CORIN: variants seen among roughly 807,000 people sequenced by gnomAD.
CORIN encodes corin, serine peptidase.
A neutral mutation model predicts 125.3 loss-of-function variants in CORIN; 117 were observed. The ratio of observed to expected loss-of-function variants is 0.93; its 90% CI spans 0.80 to 1.09. CORIN has a LOEUF of 1.09. CORIN is among the 50% of genes least tolerant of loss of function. CORIN has a pLI of 0.00. For missense variants in CORIN, 1,253 were observed against 1,306.7 expected, an observed-to-expected ratio of 0.96 and a Z score of 0.63; for synonymous variants, 450 against 466.4, an observed-to-expected ratio of 0.96 and a Z score of 0.45.
intron 19 of CORIN, among the ~76,000 whole-genome samples, chr4:47,618,819 CAAA>C (rs34913715): frequency 7.8e-6 from 1 of 128,246 alleles, no homozygotes; most frequent in Non-Finnish European, 1.7e-5. Context: ...CTCTGTCTCA[CAAA>C]AAAAAAAAAG....
At chr4:47,676,728 T>C (rs1725035389) in intron 9 of CORIN, among the ~76,000 whole-genome samples, 1 of 152,210 alleles carries the variant, frequency 6.6e-6, no homozygotes, top group South Asian at 2.1e-4. Context: ...TATGACTTTC[T>C]TACATCTCAC....
At chr4:47,793,488 G>A (rs758836272) in intron 2 of CORIN, among the ~76,000 whole-genome samples, 2 of 152,138 alleles carry the variant, frequency 1.3e-5, no homozygotes, top group Non-Finnish European at 2.9e-5. Context: ...AGGATAATCA[G>A]AGGTGACAAT....
chr4:47,680,407 G>T (rs1012672997), intron 7 of CORIN, 156 bp from the exon 8 acceptor site: 1 of 583,540 alleles, frequency 1.7e-6, no homozygotes, highest in Non-Finnish European at 3.1e-6. Context: ...AAAATGCCAC[G>T]CCCTCCCCAC....
intron 1 of CORIN, among the ~76,000 whole-genome samples, chr4:47,831,805 G>A (rs966324614): frequency 6.6e-6 from 1 of 151,740 alleles, no homozygotes; most frequent in Non-Finnish European, 1.5e-5. Flanking sequence ...GGTCTTTGCA[G>A]TTGAAGTTAG....
intron 4 of CORIN, among the ~76,000 whole-genome samples, chr4:47,750,866 T>A (rs1728869584): frequency 6.6e-6 from 1 of 152,162 alleles, no homozygotes; most frequent in African/African-American, 2.4e-5. Flanking sequence ...AAAGTAGATA[T>A]GGAGAAGTAA....
chr4:47,595,520 C>A lies in CORIN; in HGVS notation c.*201G>T. 1 of 368,336 alleles carries A rather than the reference C, an allele frequency of 2.7e-6. No homozygotes were observed. The highest frequency in any genetic ancestry group is 4.8e-6 in the Non-Finnish European group (1 of 207,242). The allele number at this position is 368,336 out of a possible 1,614,324, so 22.8% of individuals were successfully genotyped here. ...TGCTTTTGTAAAGTCTTTCATTGAA[C>A]TTGAAATAAGAGAAAAATGAAGGTG... is the stretch of plus-strand genomic sequence containing the variant. On this transcript the variant is annotated 3_prime_UTR_variant, in exon 22 of 22. Transcript: ENST00000273857.
chr4:47,828,991 C>T (rs201665697), intron 1 of CORIN, among the ~76,000 whole-genome samples: 1 of 151,436 alleles, frequency 6.6e-6, no homozygotes. Flanking sequence ...ACCCCGTCTC[C>T]ACTAAAAATA....
Position 47,625,068 on chromosome 4 carries a change from C to G in CORIN, c.2316-1120G>C, listed in dbSNP as rs1189641943. Among the ~76,000 whole-genome samples the G allele has an allele frequency of 2.6e-5, 4 of 152,072 alleles. 1 individual carries two copies. Among genetic ancestry groups the G allele is most frequent in the Non-Finnish European group, 5.9e-5 (4 of 67,944 alleles). On this transcript the variant is annotated intron_variant, in intron 17 of 21. Transcript: ENST00000273857. ...TCTAAAATCCTCTCTTCCTTACTCT[C>G]TATTACATTATTCTAAATTTATTTG...
chr4:47,800,449 A>G (rs764437387), intron 2 of CORIN, among the ~76,000 whole-genome samples: 2 of 152,204 alleles, frequency 1.3e-5, no homozygotes, highest in Non-Finnish European at 2.9e-5. Context: ...TGAGCCAATG[A>G]ACATAGTCTC....
intron 3 of CORIN, among the ~76,000 whole-genome samples, chr4:47,775,220 C>CTT (rs146791663): frequency 6.6e-4 from 99 of 150,862 alleles, no homozygotes; most frequent in African/African-American, 2.3e-3. Context: ...TATTATCTTT[C>CTT]TTTTTTTTTC....
chr4:47,786,603 C>T (rs985761093), intron 3 of CORIN, 122 bp downstream of exon 3: 2 of 720,374 alleles, frequency 2.8e-6, no homozygotes, highest in South Asian at 3.7e-5. Context: ...TACCAGGAAA[C>T]TGAGTGGAGA....
chr4:47,676,232 C>G (rs747988636), intron 9 of CORIN, among the ~76,000 whole-genome samples: 2 of 152,164 alleles, frequency 1.3e-5, no homozygotes, highest in Non-Finnish European at 1.5e-5. Flanking sequence ...GTACCAGGCC[C>G]CCTTTCGTTC....
intron 19 of CORIN, among the ~76,000 whole-genome samples, chr4:47,613,942 A>G (rs890949268): frequency 5.4e-5 from 8 of 147,398 alleles, no homozygotes; most frequent in Non-Finnish European, 1.0e-4. Context: ...CATGTACCCT[A>G]AAACTTAAAG....
At chr4:47,714,022 A>G (rs1291105378) in intron 5 of CORIN, among the ~76,000 whole-genome samples, 3 of 152,204 alleles carry the variant, frequency 2.0e-5, no homozygotes, top group Admixed American at 6.5e-5. Flanking sequence ...GACAGTTGCT[A>G]TAGTGGAAAG....
In CORIN at chr4:47,645,107, G is replaced by A; in HGVS notation, c.1931C>T (p.Pro644Leu). Residue 644 changes from proline (P) to leucine (L), a missense_variant, in exon 14 of 22, where the codon CCT becomes CTT. Physicochemically the swap from Pro to Leu is moderately conservative, Grantham distance 98. Coordinates refer to ENST00000273857, the MANE Select transcript of CORIN (RefSeq NM_006587.4). ...TVICDGFPDC[P>L]DYMDEKNCSF... ...GCAGTTTTTCTCGTCCATGTAATCA[G>A]GGCAGTCTGGGAACCCATCGCAGAT... 1 of 1,610,886 alleles carries A rather than the reference G, an allele frequency of 6.2e-7. No homozygotes were observed. The highest frequency in any genetic ancestry group is 8.5e-7 in the Non-Finnish European group (1 of 1,178,138).
intron 1 of CORIN, among the ~76,000 whole-genome samples, chr4:47,820,866 C>T (rs908726361): frequency 3.9e-5 from 6 of 152,070 alleles, no homozygotes; most frequent in African/African-American, 1.2e-4. Flanking sequence ...GTGATTAATG[C>T]TATAGATTGA....
intron 3 of CORIN, among the ~76,000 whole-genome samples, chr4:47,780,580 GA>G (rs1035134276): frequency 2.0e-5 from 3 of 151,564 alleles, no homozygotes; most frequent in East Asian, 1.9e-4. Context: ...AAAACACTGG[GA>G]AAAAAAACTG....
chr4:47,698,237 G>T (rs1726117508), intron 5 of CORIN, among the ~76,000 whole-genome samples: 1 of 151,762 alleles, frequency 6.6e-6, no homozygotes, highest in Admixed American at 6.6e-5. Context: ...GGTAAGGGAG[G>T]TATAGGGTAT....
At chr4:47,679,069 T>C (rs1725148878) in intron 8 of CORIN, among the ~76,000 whole-genome samples, 1 of 152,262 alleles carries the variant, frequency 6.6e-6, no homozygotes, top group Non-Finnish European at 1.5e-5. Context: ...CTCATGTATA[T>C]AATCAACTTT....
Sources: gnomAD v4.1 joint callset for allele counts (sites outside exome capture counted in the v4.1 genomes callset) on GRCh38, gnomAD v4.1.1 for gene constraint, MANE v1.5 for transcripts, NCBI Gene and HGNC (gene_info 2026-07-23, HGNC 2026-07-21) for gene names.